Variants in MBD5 observed in about 807,000 individuals in gnomAD.
The protein encoded by MBD5 is methyl-CpG binding domain protein 5.
A neutral mutation model predicts 117.3 loss-of-function variants in MBD5; 13 were observed. That is an observed-to-expected ratio of 0.11 (90% CI 0.07 to 0.18). MBD5 has a LOEUF of 0.18. Among genes scored for constraint, MBD5 ranks in the 10% least tolerant of loss-of-function variants. The pLI is 1.00. For synonymous variants in MBD5, 727 were observed against 766.4 expected, an observed-to-expected ratio of 0.95 and a Z score of 0.85; for missense variants, 1,879 against 2,093.8, an observed-to-expected ratio of 0.90 and a Z score of 2.00.
At chr2:148,413,470 C>T (rs1043750308) in intron 4 of MBD5, among the ~76,000 whole-genome samples, 1 of 148,148 alleles carries the variant, frequency 6.8e-6, no homozygotes, top group African/African-American at 2.5e-5. Context: ...ATAATGCCGG[C>T]TTCATAGAGT....
chr2:148,487,363 G>A (rs2105105752), intron 10 of MBD5, among the ~76,000 whole-genome samples: 1 of 152,288 alleles, frequency 6.6e-6, no homozygotes, highest in Admixed American at 6.5e-5. Flanking sequence ...GCAAGGAAGG[G>A]AGGTAAGAAT....
At chr2:148,088,003 T>C (rs1695839000) in intron 1 of MBD5, among the ~76,000 whole-genome samples, 1 of 149,658 alleles carries the variant, frequency 6.7e-6, no homozygotes, top group Non-Finnish European at 1.5e-5. Context: ...TCCAGAGAAA[T>C]AGATATCATA....
At chr2:148,250,379 C>T (rs1346926061) in intron 3 of MBD5, among the ~76,000 whole-genome samples, 2 of 152,148 alleles carry the variant, frequency 1.3e-5, no homozygotes, top group African/African-American at 4.8e-5. Flanking sequence ...ATAATCTGTA[C>T]AACCAATCCC....
chr2:148,220,681 A>C (rs1325211731), intron 2 of MBD5, among the ~76,000 whole-genome samples: 1 of 152,182 alleles, frequency 6.6e-6, no homozygotes, highest in African/African-American at 2.4e-5. Context: ...ACAGGCATGC[A>C]ACATGTAACA....
intron 1 of MBD5, among the ~76,000 whole-genome samples, chr2:148,079,563 TA>T (rs2105144955): frequency 6.6e-6 from 1 of 151,904 alleles, no homozygotes; most frequent in African/African-American, 2.4e-5. Flanking sequence ...TCTCCTCTCT[TA>T]AAACTTGCTT....
rs1183084413 is a variant in MBD5, at chr2:148,514,662, C to T, written c.*1721C>T. The stretch of plus-strand genomic sequence containing the variant: ...TACTGCTCCTCTCCCACCCACCACC[C>T]AAACTCCTCAGTCCTGTCATGTAGC... On this transcript the variant is annotated 3_prime_UTR_variant, in exon 14 of 14. Transcript: ENST00000642680. The T allele has an allele frequency of 6.6e-6, 1 of 152,370 alleles. No homozygotes were observed. The highest frequency in any genetic ancestry group is 1.5e-5 in the Non-Finnish European group (1 of 68,126). The allele number at this position is 152,370 out of a possible 1,614,324, so 9.4% of individuals were successfully genotyped here.
In MBD5 at chr2:148,458,751, C is replaced by T; in HGVS notation, c.-8C>T. On this transcript the variant is annotated 5_prime_UTR_variant, in exon 5 of 14. Transcript: ENST00000642680. ...ATATCTTTGGAGAGTCCCTAGCAGA[C>T]ACAGAAAATGAATGGAGGCAAAGAG... The T allele has an allele frequency of 6.2e-7, 1 of 1,607,378 alleles. No individual in the cohort carries two copies. The highest frequency in any genetic ancestry group is 8.5e-7 in the Non-Finnish European group (1 of 1,174,084).
chr2:148,308,246 A>G (rs1574267222), intron 3 of MBD5, among the ~76,000 whole-genome samples: 1 of 151,968 alleles, frequency 6.6e-6, no homozygotes, highest in African/African-American at 2.4e-5. Flanking sequence ...GAATTAATTT[A>G]CCCTCCCACC....
rs192764495 is a variant in MBD5 at position 148,185,922 on chromosome 2, T to C, written c.-831+7129T>C. On this transcript the variant is annotated intron_variant, in intron 2 of 13. Transcript: ENST00000642680. ...CTTGTAATTATTGAATTGATGGGTT[T>C]GCGTAGGATAGTTTTTAAATGTGGA... Among the ~76,000 whole-genome samples, 324 of 152,254 alleles carry C rather than the reference T, an allele frequency of 2.1e-3. 1 individual carries two copies. Among genetic ancestry groups the C allele is most frequent in the South Asian group, 9.5e-3 (46 of 4,826 alleles).
At chr2:148,075,551 A>C (rs1288424362) in intron 1 of MBD5, among the ~76,000 whole-genome samples, 1 of 152,152 alleles carries the variant, frequency 6.6e-6, no homozygotes, top group African/African-American at 2.4e-5. Flanking sequence ...ACTTCTAAAA[A>C]ATTAGAAATA....
At chr2:148,380,170 G>C (rs192406540) in intron 4 of MBD5, among the ~76,000 whole-genome samples, 1 of 152,172 alleles carries the variant, frequency 6.6e-6, no homozygotes, top group East Asian at 1.9e-4. Flanking sequence ...CTACTCACTA[G>C]AAAAATATAA....
At chr2:148,160,710 G>T (rs1697987827) in intron 1 of MBD5, among the ~76,000 whole-genome samples, 1 of 152,288 alleles carries the variant, frequency 6.6e-6, no homozygotes, top group East Asian at 1.9e-4. Context: ...AATTAGGGAT[G>T]AACTTGCATC....
intron 2 of MBD5, among the ~76,000 whole-genome samples, chr2:148,229,429 G>T (rs146083904): frequency 6.6e-6 from 1 of 152,010 alleles, no homozygotes; most frequent in African/African-American, 2.4e-5. Context: ...ACTTTCCTCA[G>T]CACAGCCATT....
chr2:148,367,625 T>G (rs181940991), intron 4 of MBD5, among the ~76,000 whole-genome samples: 65 of 152,034 alleles, frequency 4.3e-4, no homozygotes, highest in Middle Eastern at 3.4e-3. Flanking sequence ...TTAAGTAAAT[T>G]TACAAGAAAA....
intron 1 of MBD5, among the ~76,000 whole-genome samples, chr2:148,171,162 C>G (rs957689727): frequency 6.6e-6 from 1 of 152,086 alleles, no homozygotes; most frequent in Non-Finnish European, 1.5e-5. Flanking sequence ...GATACCAAAG[C>G]CAGACAAGGA....
intron 3 of MBD5, among the ~76,000 whole-genome samples, chr2:148,278,297 G>C (rs1701161758): frequency 6.6e-6 from 1 of 152,138 alleles, no homozygotes; most frequent in Non-Finnish European, 1.5e-5. Flanking sequence ...TGTGTGATCT[G>C]TTTTCATGAA....
At position 148,469,035 on chromosome 2, in the gene MBD5, T is replaced by A; in HGVS notation, c.1092T>A (p.Ile364=). The A allele has an allele frequency of 6.2e-7, 1 of 1,613,980 alleles. No individual in the cohort carries two copies. Among genetic ancestry groups the A allele is most frequent in the Non-Finnish European group, 8.5e-7 (1 of 1,179,954 alleles). ...ATCCACTTGGCATTCTTGACCCTAT[T>A]CCTAGTAAACCAGTGAATCAGAACC... ...EKDPLGILDP[I]PSKPVNQNPV... is the part of the protein sequence containing the mutation. The change falls in exon 8 of 14, where the codon ATT becomes ATA. Residue 364 remains isoleucine (I), a synonymous_variant. Coordinates refer to ENST00000642680, the MANE Select transcript of MBD5 (RefSeq NM_001378120.1).
chr2:148,319,100 C>T (rs1287542169), intron 3 of MBD5, among the ~76,000 whole-genome samples: 1 of 152,096 alleles, frequency 6.6e-6, no homozygotes, highest in Non-Finnish European at 1.5e-5. Context: ...TATTCTGATC[C>T]ATTAATCTTT....
intron 1 of MBD5, among the ~76,000 whole-genome samples, chr2:148,045,974 C>CT (rs59672002): frequency 0.014 from 1,057 of 77,498 alleles, 191 homozygotes; most frequent in Non-Finnish European, 0.016. Flanking sequence ...AATGAAGTGC[C>CT]TTTTTTTTTT....
Sources: gnomAD v4.1 joint callset for allele counts (sites outside exome capture counted in the v4.1 genomes callset) on GRCh38, gnomAD v4.1.1 for gene constraint, MANE v1.5 for transcripts, NCBI Gene and HGNC (gene_info 2026-07-23, HGNC 2026-07-21) for gene names.